The following DFFB variants were observed in gnomAD, a reference collection of about 807,000 sequenced individuals.
DFFB encodes the protein DNA fragmentation factor 40 kDa subunit.
In DFFB, 29 loss-of-function variants were observed where a neutral mutation model predicts 32.7. The ratio of observed to expected loss-of-function variants is 0.89; its 90% CI spans 0.66 to 1.21. The LOEUF (loss-of-function observed/expected upper bound fraction) is 1.21. DFFB is among the 50% of genes most tolerant of loss of function. The probability of loss-of-function intolerance (pLI) is 0.00; values close to 1 mark genes in which losing one functional copy is unlikely to be tolerated. For missense variants in DFFB, 398 were observed against 440.6 expected (o/e 0.90, Z 0.87); for synonymous variants, 170 against 177.1 (o/e 0.96, Z 0.32).
intron 5 of DFFB, 149 bp downstream of exon 5, chr1:3,869,924 G>C: frequency 1.2e-6 from 1 of 850,308 alleles, no homozygotes; most frequent in Non-Finnish European, 1.8e-6. Context: ...CAGGGAGGGC[G>C]GCAGTGTCTC....
intron 6 of DFFB, among the ~76,000 whole-genome samples, chr1:3,873,973 T>C (rs1645170699): frequency 6.6e-6 from 1 of 152,204 alleles, no homozygotes; most frequent in Non-Finnish European, 1.5e-5. Context: ...GCTTTTACCC[T>C]GTCCATACTC....
At chr1:3,879,629 C>T (rs1037358636) in intron 6 of DFFB, among the ~76,000 whole-genome samples, 1 of 152,212 alleles carries the variant, frequency 6.6e-6, no homozygotes, top group Non-Finnish European at 1.5e-5. Context: ...GGCGTGCGGG[C>T]ACCTGTTCTT....
intron 6 of DFFB, among the ~76,000 whole-genome samples, chr1:3,877,972 T>C (rs1240679611): frequency 1.3e-5 from 2 of 152,132 alleles, no homozygotes; most frequent in Non-Finnish European, 2.9e-5. Flanking sequence ...TAACAGCCTT[T>C]CGTCTTCATC....
intron 6 of DFFB, among the ~76,000 whole-genome samples, chr1:3,879,136 A>G (rs535451426): frequency 8.5e-4 from 129 of 152,288 alleles, no homozygotes; most frequent in Middle Eastern, 6.8e-3. Context: ...CCTCTTGGAA[A>G]ATGATAAGTA....
rs111539421 is a variant in DFFB at position 3,874,824 on chromosome 1, C to T, written c.782+2252C>T. 4.4e-3 allele frequency among the ~76,000 whole-genome samples: 656 copies of T among 150,390 alleles called. 2 individuals carry two copies. Among genetic ancestry groups the T allele is most frequent in the African/African-American group, 0.015 (623 of 40,858 alleles). ...CCTCCCATGCTGTGGTCTGCAGAGC[C>T]GTGTAGCTGCACCTTTACCACATGC... On this transcript the variant is annotated intron_variant, in intron 6 of 6. Transcript: ENST00000378209.
intron 5 of DFFB, 36 bp from the exon 6 acceptor site, chr1:3,872,436 C>G: frequency 1.3e-6 from 2 of 1,489,268 alleles, no homozygotes; most frequent in Non-Finnish European, 1.9e-6. Flanking sequence ...AAGAGACTCA[C>G]TTTCTGGCCT....
intron 3 of DFFB, 173 bp downstream of exon 3, chr1:3,866,173 A>G: frequency 1.4e-6 from 1 of 701,068 alleles, no homozygotes; most frequent in Non-Finnish European, 2.5e-6. Context: ...CCTCGTGGGA[A>G]AGGTACCCAG....
At position 3,883,690 on chromosome 1, in the gene DFFB, C is replaced by A. The variant is rs1179858069; in HGVS notation, c.966C>A (p.Tyr322Ter). ...TCAACTGTGACCCAAGCAGAATCTA[C>A]AAACCCCAGACAAGGTTGAAGCGGA... ...HKLNCDPSRI[Y>*]KPQTRLKRKQ... Residue 322 changes from tyrosine to a stop codon, truncating the protein, a stop_gained, in exon 7 of 7, where the codon TAC (tyrosine) becomes TAA (stop). Coordinates refer to ENST00000378209, the MANE Select transcript of DFFB (RefSeq NM_004402.4). LOFTEE classifies it low-confidence loss of function (END_TRUNC). The A allele has an allele frequency of 1.2e-6, 2 of 1,614,040 alleles. No individual in the cohort carries two copies. The highest frequency in any genetic ancestry group is 2.7e-5 in the African/African-American group (2 of 74,924).
In DFFB at chr1:3,865,787, C is replaced by T. The variant is rs778700566; in HGVS notation, c.242-25C>T. ...GATGTGTCTTCTGCTGGACCGGCAC[C>T]TTTTGTTTGTCCCATTGGTGGCAGA... On this transcript the variant is annotated intron_variant, in intron 2 of 6. Transcript: ENST00000378209. This position sits in a 1 kb window ranked among gnomAD's most constrained non-coding sequence, Gnocchi z 4.7. The T allele has an allele frequency of 3.1e-6, 5 of 1,614,088 alleles. No homozygotes were observed. The East Asian group carries it at 8.9e-5, about 29-fold the overall frequency.
At chr1:3,866,052 G>A (rs755094492) in intron 3 of DFFB, 52 bp downstream of exon 3, 6 of 1,429,316 alleles carry the variant, frequency 4.2e-6, no homozygotes, top group South Asian at 1.4e-5. Flanking sequence ...AGCCTGAGGT[G>A]CCAGAAGAAG....
intron 4 of DFFB, 55 bp from the exon 5 acceptor site, chr1:3,869,550 T>C: frequency 3.2e-6 from 5 of 1,544,922 alleles, no homozygotes; most frequent in Non-Finnish European, 4.4e-6. Flanking sequence ...CGAGAGCCAG[T>C]GCGGGTTTTG....
At chr1:3,876,917 G>A (rs1645234543) in intron 6 of DFFB, among the ~76,000 whole-genome samples, 1 of 152,238 alleles carries the variant, frequency 6.6e-6, no homozygotes, top group Non-Finnish European at 1.5e-5. Context: ...CGGTTCAGGG[G>A]CCCCTGGGCG....
rs1004922270 is a variant in DFFB, at chr1:3,884,893, A to G, written c.*1152A>G. ...ACCTGCTGAATTGTTTATAATGGCA[A>G]GAAATAGGAAACCCCCCAATGTCTG... On this transcript the variant is annotated 3_prime_UTR_variant, in exon 7 of 7. Coordinates refer to ENST00000378209, the MANE Select transcript of DFFB (RefSeq NM_004402.4). 3.3e-5 allele frequency: 5 copies of G among 152,256 alleles called. No individual in the cohort carries two copies. The highest frequency in any genetic ancestry group is 9.6e-5 in the African/African-American group (4 of 41,464). The allele number at this position is 152,256 out of a possible 1,614,324, so 9.4% of individuals were successfully genotyped here.
intron 2 of DFFB, among the ~76,000 whole-genome samples, chr1:3,864,691 AATT>A (rs1644941746): frequency 6.6e-6 from 1 of 151,680 alleles, no homozygotes; most frequent in South Asian, 2.1e-4. Flanking sequence ...ATGTGCCGCT[AATT>A]ATTATGATTT....
At position 3,883,494 on chromosome 1, in the gene DFFB, C is replaced by T; in HGVS notation, c.783-13C>T. 1 of 1,612,306 alleles carries T rather than the reference C, an allele frequency of 6.2e-7. No individual in the cohort carries two copies. The highest frequency in any genetic ancestry group is 8.5e-7 in the Non-Finnish European group (1 of 1,179,076). Reference sequence around the variant, plus strand: ...TGACCACAGAAAATGATGTCTCTAACCTTACTTTGCAGAATAGAAAAGAAA... The same window carrying T: ...TGACCACAGAAAATGATGTCTCTAATCTTACTTTGCAGAATAGAAAAGAAA... On this transcript the variant is annotated splice_polypyrimidine_tract_variant and intron_variant, in intron 6 of 6. Transcript: ENST00000378209.
In DFFB at chr1:3,865,880, C is replaced by T. The variant is rs1308969619; in HGVS notation, c.310C>T (p.Gln104Ter). Reference protein sequence around the residue: ...EPQVGLIQAAQQLLCDEQAPQ... With the variant: ...EPQVGLIQAA ...ACAGGTGGGGCTCATCCAGGCCGCC[C>T]AGCAGCTGCTGTGTGATGAGCAGGC... The change falls in exon 3 of 7, where the codon CAG (glutamine) becomes TAG (stop). Residue 104 changes from glutamine to a stop codon, truncating the protein, a stop_gained. Transcript: ENST00000378209. LOFTEE classifies it high-confidence loss of function. The surrounding 1 kb of genome is among the most constrained non-coding windows in gnomAD (Gnocchi z 4.7). 6.2e-7 allele frequency: 1 copy of T among 1,613,944 alleles called. No homozygotes were observed. The highest frequency in any genetic ancestry group is 1.3e-5 in the African/African-American group (1 of 74,924).
intron 2 of DFFB, among the ~76,000 whole-genome samples, chr1:3,861,260 T>G (rs1332536003): frequency 4.6e-5 from 7 of 152,266 alleles, no homozygotes; most frequent in Admixed American, 4.6e-4. Flanking sequence ...GCATGTAAGT[T>G]GTGTGTATCC....
intron 6 of DFFB, among the ~76,000 whole-genome samples, chr1:3,874,434 C>T (rs1331905135): frequency 2.3e-5 from 1 of 44,314 alleles, no homozygotes; most frequent in African/African-American, 9.1e-5. Flanking sequence ...TCTGCAGAGC[C>T]GTGTAGCTGC....
At chr1:3,873,093 C>T in intron 6 of DFFB, 2 of 799,870 alleles carry the variant, frequency 2.5e-6, no homozygotes, top group Non-Finnish European at 3.5e-6. Context: ...CTCCTGGCCT[C>T]AAGCAATCCT....
Sources: allele counts gnomAD v4.1 joint callset (sites outside exome capture counted in the v4.1 genomes callset), GRCh38; gene constraint gnomAD v4.1.1; non-coding constraint Gnocchi (gnomAD v3.1); transcripts MANE v1.5; gene names NCBI Gene and HGNC (gene_info 2026-07-23, HGNC 2026-07-21).